The following COL21A1 variants were observed in gnomAD, a reference collection of about 807,000 sequenced individuals.
The protein encoded by COL21A1 is collagen type XXI alpha 1 chain.
Under a neutral mutation model 137.9 loss-of-function variants are expected in COL21A1, and 149 were observed. The observed-to-expected ratio is 1.08, with a 90% CI of 0.95 to 1.24. The LOEUF is 1.24. COL21A1 is among the 50% of genes most tolerant of loss of function. The probability of loss-of-function intolerance (pLI) is 0.00; values close to 1 mark genes in which losing one functional copy is unlikely to be tolerated. For synonymous variants in COL21A1, 456 were observed against 391.5 expected (o/e 1.16, Z -1.95); for missense variants, 1,167 against 1,158.4 (o/e 1.01, Z -0.11).
chr6:56,305,387 T>C (rs1179472299), intron 1 of COL21A1, among the ~76,000 whole-genome samples: 2 of 152,154 alleles, frequency 1.3e-5, no homozygotes, highest in Admixed American at 6.5e-5. Context: ...TCTAGGTCTC[T>C]AAGGACTTGC....
At chr6:56,189,965 G>A (rs1039445216) in intron 1 of COL21A1, among the ~76,000 whole-genome samples, 11 of 152,132 alleles carry the variant, frequency 7.2e-5, no homozygotes, top group African/African-American at 2.7e-4. Flanking sequence ...AGCTCCTGAA[G>A]GAAGCACTAA....
chr6:56,170,929 C>G (rs755071870), intron 4 of COL21A1, 31 bp downstream of exon 4: 5 of 1,589,370 alleles, frequency 3.1e-6, no homozygotes, highest in Non-Finnish European at 4.3e-6. Flanking sequence ...CATATCCCCC[C>G]AAAAAAGTTG....
At chr6:56,082,353 A>G (rs1767864064) in intron 17 of COL21A1, among the ~76,000 whole-genome samples, 1 of 151,988 alleles carries the variant, frequency 6.6e-6, no homozygotes, top group East Asian at 1.9e-4. Context: ...ACAAGCATGT[A>G]TGTATAGACA....
intron 17 of COL21A1, among the ~76,000 whole-genome samples, chr6:56,084,688 C>CA (rs1485653388): frequency 6.6e-6 from 1 of 151,942 alleles, no homozygotes; most frequent in African/African-American, 2.4e-5. Context: ...AAAAAGTTCT[C>CA]AAAAAATGTC....
chr6:56,157,307 CTTTTTTTT>C (rs34605782), intron 9 of COL21A1, among the ~76,000 whole-genome samples: 24 of 94,040 alleles, frequency 2.6e-4, no homozygotes, highest in Non-Finnish European at 2.6e-4. Context: ...ACTCATAAGA[CTTTTTTTT>C]TTTTTTTTTT....
chr6:56,319,526 C>A (rs1764818138), intron 1 of COL21A1, among the ~76,000 whole-genome samples: 2 of 151,840 alleles, frequency 1.3e-5, no homozygotes, highest in Admixed American at 1.3e-4. Context: ...TTAGTAGAGA[C>A]AAGGTTTCAC....
chr6:56,204,325 G>T (rs918629406), intron 1 of COL21A1, among the ~76,000 whole-genome samples: 4 of 152,112 alleles, frequency 2.6e-5, no homozygotes, highest in Non-Finnish European at 2.9e-5. Flanking sequence ...TGAGTAGGTG[G>T]TTTAACCCTC....
intron 1 of COL21A1, among the ~76,000 whole-genome samples, chr6:56,391,333 T>G (rs1187136738): frequency 1.3e-5 from 2 of 151,692 alleles, no homozygotes; most frequent in African/African-American, 4.8e-5. Flanking sequence ...CAATAGACAC[T>G]TCCATCAAAA....
chr6:56,366,776 T>C (rs571864358), intron 1 of COL21A1, among the ~76,000 whole-genome samples: 8 of 152,312 alleles, frequency 5.3e-5, no homozygotes, highest in South Asian at 4.1e-4. Flanking sequence ...TGGAAAACTG[T>C]TTCACAGCAA....
chr6:56,219,981 T>C (rs1284484963), intron 1 of COL21A1, among the ~76,000 whole-genome samples: 1 of 152,164 alleles, frequency 6.6e-6, no homozygotes, highest in Non-Finnish European at 1.5e-5. Flanking sequence ...ATTATCCTGT[T>C]TCTTCAGAAA....
Position 56,182,615 on chromosome 6 carries a change from C to G in COL21A1, c.4G>C (p.Ala2Pro). 2 of 1,596,670 alleles carry G rather than the reference C, an allele frequency of 1.3e-6. No individual in the cohort carries two copies. Among genetic ancestry groups the G allele is most frequent in the Non-Finnish European group, 1.7e-6 (2 of 1,169,994 alleles). Reference protein sequence around the residue: MAHYITFLCMVL... With the variant: MPHYITFLCMVL... ...ATGCAGAGAAATGTAATATAGTGAG[C>G]CATGTTTCTGTTTTCGTTCTAATAT... Residue 2 changes from alanine to proline, a missense_variant, in exon 2 of 30, where the codon GCT becomes CCT. By Grantham distance (27) the Ala-to-Pro change is conservative. Coordinates refer to ENST00000244728, the MANE Select transcript of COL21A1 (RefSeq NM_030820.4).
At chr6:56,289,258 T>C (rs1247543228) in intron 1 of COL21A1, among the ~76,000 whole-genome samples, 1 of 152,216 alleles carries the variant, frequency 6.6e-6, no homozygotes, top group South Asian at 2.1e-4. Flanking sequence ...TCGATAAACA[T>C]GTCAGCTTTC....
At chr6:56,198,074 C>A (rs1278665650) in intron 1 of COL21A1, among the ~76,000 whole-genome samples, 1 of 152,062 alleles carries the variant, frequency 6.6e-6, no homozygotes, top group Non-Finnish European at 1.5e-5. Flanking sequence ...TTTGCAACAA[C>A]ATGGATAAAG....
intron 1 of COL21A1, among the ~76,000 whole-genome samples, chr6:56,257,106 C>G (rs1782991201): frequency 6.6e-6 from 1 of 152,024 alleles, no homozygotes; most frequent in South Asian, 2.1e-4. Flanking sequence ...AAAGCAGAAG[C>G]TGAATAAATG....
intron 1 of COL21A1, among the ~76,000 whole-genome samples, chr6:56,216,985 A>G (rs1561994196): frequency 1.3e-5 from 2 of 152,084 alleles, no homozygotes; most frequent in African/African-American, 4.8e-5. Context: ...GTATTAAGCA[A>G]ACACATTCAG....
intron 1 of COL21A1, among the ~76,000 whole-genome samples, chr6:56,361,778 GGTGTGT>G (rs141505238): frequency 6.6e-6 from 1 of 150,956 alleles, no homozygotes; most frequent in African/African-American, 2.4e-5. Context: ...GTGTGTGTGT[GGTGTGT>G]GTGTGTGTGT....
intron 1 of COL21A1, among the ~76,000 whole-genome samples, chr6:56,240,984 G>A (rs1199343036): frequency 1.3e-5 from 2 of 152,122 alleles, no homozygotes; most frequent in Admixed American, 1.3e-4. Context: ...TCCATTAAGA[G>A]CTCTGCATCT....
Position 56,075,534 on chromosome 6 carries a change from T to A in COL21A1, c.1858-2A>T, listed in dbSNP as rs1562155679. 6.6e-7 allele frequency: 1 copy of A among 1,514,600 alleles called. No individual in the cohort carries two copies. The highest frequency in any genetic ancestry group is 2.5e-5 in the East Asian group (1 of 40,236). 93.8% of individuals were successfully genotyped at this position (1,514,600 alleles called of 1,614,324 possible). A position where few individuals can be genotyped will look rare whatever the true frequency, so the allele number is the denominator to read the frequency against. ...CTGTCCTGGAGGCCCAATTTCTCCC[T>A]AAAAAAATCAAACATTAAAAACATT... On this transcript the variant is annotated splice_acceptor_variant, in intron 18 of 29. Coordinates refer to ENST00000244728, the MANE Select transcript of COL21A1 (RefSeq NM_030820.4). LOFTEE classifies it high-confidence loss of function.
At chr6:56,206,211 C>G (rs1779769569) in intron 1 of COL21A1, among the ~76,000 whole-genome samples, 1 of 151,736 alleles carries the variant, frequency 6.6e-6, no homozygotes, top group South Asian at 2.1e-4. Context: ...GAGTCAAGAC[C>G]CATCAGTGTG....
Sources: allele counts gnomAD v4.1 joint callset (sites outside exome capture counted in the v4.1 genomes callset), GRCh38; gene constraint gnomAD v4.1.1; transcripts MANE v1.5; gene names NCBI Gene and HGNC (gene_info 2026-07-23, HGNC 2026-07-21).